GABRB3: variants seen among roughly 807,000 people sequenced by gnomAD.
The protein encoded by GABRB3 is gamma-aminobutyric acid receptor subunit beta-3.
GABRB3 carries 14 observed loss-of-function variants against 52.1 expected under a neutral mutation model. The ratio of observed to expected loss-of-function variants is 0.27; its 90% CI spans 0.18 to 0.42. The LOEUF is 0.42. Ranked by LOEUF, GABRB3 falls within the 10% of genes least tolerant of loss-of-function variation. GABRB3 has a pLI of 1.00. For missense variants in GABRB3, 307 were observed against 609.1 expected (o/e 0.50, Z 5.22); for synonymous variants, 260 against 232.3 (o/e 1.12, Z -1.08).
chr15:26,649,290 C>T (rs1421316956), intron 3 of GABRB3, among the ~76,000 whole-genome samples: 2 of 152,058 alleles, frequency 1.3e-5, no homozygotes, highest in Non-Finnish European at 2.9e-5. Flanking sequence ...ATGAGATGCC[C>T]TTCTGTCTCC....
chr15:26,758,432 G>A (rs1398760379), intron 3 of GABRB3, among the ~76,000 whole-genome samples: 1 of 152,120 alleles, frequency 6.6e-6, no homozygotes, highest in Non-Finnish European at 1.5e-5. Context: ...TCAGAGATGC[G>A]ATAAAAAGAG....
chr15:26,553,821 A>C (rs1889573371), intron 8 of GABRB3, among the ~76,000 whole-genome samples: 1 of 151,744 alleles, frequency 6.6e-6, no homozygotes, highest in Admixed American at 6.6e-5. Context: ...TGAGACCTTA[A>C]ATAATCAACA....
At chr15:26,570,228 G>C (rs1282736914) in intron 6 of GABRB3, among the ~76,000 whole-genome samples, 2 of 152,198 alleles carry the variant, frequency 1.3e-5, no homozygotes, top group African/African-American at 4.8e-5. Context: ...TTTGACATGA[G>C]GTGAAAACAT....
intron 3 of GABRB3, among the ~76,000 whole-genome samples, chr15:26,758,595 G>T (rs1890726030): frequency 6.6e-6 from 1 of 152,038 alleles, no homozygotes; most frequent in Admixed American, 6.6e-5. Flanking sequence ...CCCATTAATT[G>T]ACCTTTTCTT....
At chr15:26,587,007 A>G (rs1024722853) in intron 4 of GABRB3, among the ~76,000 whole-genome samples, 6 of 152,198 alleles carry the variant, frequency 3.9e-5, no homozygotes, top group Non-Finnish European at 8.8e-5. Context: ...GCAGTAGAGT[A>G]TTGTACATTT....
chr15:26,694,840 G>A (rs974850921), intron 3 of GABRB3, among the ~76,000 whole-genome samples: 1 of 152,220 alleles, frequency 6.6e-6, no homozygotes, highest in African/African-American at 2.4e-5. Context: ...GATGGGTTAT[G>A]TAAGCAGAGG....
chr15:26,659,972 C>A (rs1291729037), intron 3 of GABRB3, among the ~76,000 whole-genome samples: 2 of 152,140 alleles, frequency 1.3e-5, no homozygotes. Context: ...TGGTTCACAC[C>A]CGCAATCCCA....
chr15:26,722,305 A>G (rs1889663076), intron 3 of GABRB3, among the ~76,000 whole-genome samples: 1 of 152,182 alleles, frequency 6.6e-6, no homozygotes, highest in African/African-American at 2.4e-5. Context: ...CAAATGACCA[A>G]GATCTCTGGA....
intron 6 of GABRB3, among the ~76,000 whole-genome samples, chr15:26,576,860 G>T (rs965701957): frequency 4.6e-5 from 7 of 152,016 alleles, no homozygotes; most frequent in African/African-American, 1.7e-4. Flanking sequence ...TAAACCAGAC[G>T]GACTTATGCG....
chr15:26,547,927 T>C lies in GABRB3; in HGVS notation c.1288A>G (p.Arg430Gly). The C allele has an allele frequency of 6.2e-7, 1 of 1,614,134 alleles. No homozygotes were observed. The highest frequency in any genetic ancestry group is 1.3e-5 in the African/African-American group (1 of 75,046). Residue 430 changes from arginine to glycine, a missense_variant, in exon 9 of 9, where the codon AGG becomes GGG. This residue lies in a region of GABRB3 where 115 missense variants were observed against 166.9 expected (regional missense o/e 0.69). Coordinates refer to ENST00000311550, the MANE Select transcript of GABRB3 (RefSeq NM_000814.6). ...TTAATTTTGAGCTGTGAAGACCTCC[T>C]CCGTAGATGGGTCTTCTTGTGCGGG... is the stretch of plus-strand genomic sequence containing the variant. ...SLPHKKTHLRRRSSQLKIKIP... is the reference protein window; with the variant it reads ...SLPHKKTHLRGRSSQLKIKIP...
At chr15:26,722,231 A>T (rs1020447560) in intron 3 of GABRB3, among the ~76,000 whole-genome samples, 2 of 152,176 alleles carry the variant, frequency 1.3e-5, no homozygotes, top group Admixed American at 1.3e-4. Flanking sequence ...AGTTATCAGG[A>T]TTCGTTGTAA....
chr15:26,642,316 C>A (rs186551811), intron 3 of GABRB3: 6 of 354,438 alleles, frequency 1.7e-5, no homozygotes, highest in African/African-American at 1.3e-4. Context: ...TTCCACAGGA[C>A]TGACTATGGG....
chr15:26,768,557 A>G (rs1220569173), intron 3 of GABRB3, among the ~76,000 whole-genome samples: 3 of 151,268 alleles, frequency 2.0e-5, no homozygotes, highest in African/African-American at 7.3e-5. Flanking sequence ...TATCTACTCA[A>G]CACATTTATT....
chr15:26,662,620 G>T (rs1353814542), intron 3 of GABRB3, among the ~76,000 whole-genome samples: 3 of 152,142 alleles, frequency 2.0e-5, no homozygotes, highest in African/African-American at 7.2e-5. Context: ...TTAGAAAAAA[G>T]GTGCCCACAA....
At chr15:26,550,808 C>T (rs192548424) in intron 8 of GABRB3, among the ~76,000 whole-genome samples, 4 of 152,160 alleles carry the variant, frequency 2.6e-5, no homozygotes, top group Non-Finnish European at 1.5e-5. Context: ...TGTACCTGCA[C>T]GTGTGGCCTA....
At chr15:26,611,218 A>C (rs1595481138) in intron 4 of GABRB3, among the ~76,000 whole-genome samples, 1 of 152,220 alleles carries the variant, frequency 6.6e-6, no homozygotes, top group East Asian at 1.9e-4. Context: ...GCTTGAGTAA[A>C]TGTAAATAGA....
intron 3 of GABRB3, among the ~76,000 whole-genome samples, chr15:26,744,127 G>A (rs572039148): frequency 4.6e-5 from 7 of 152,266 alleles, no homozygotes; most frequent in South Asian, 2.1e-4. Context: ...TACACGGGGC[G>A]AGGTTTTCTG....
intron 3 of GABRB3, among the ~76,000 whole-genome samples, chr15:26,745,684 G>A (rs1595339966): frequency 1.3e-5 from 2 of 152,078 alleles, no homozygotes; most frequent in African/African-American, 4.8e-5. Context: ...CTCTTTCTCT[G>A]TAATTTTATT....
chr15:26,588,316 C>T (rs924619707), intron 4 of GABRB3, among the ~76,000 whole-genome samples: 2 of 152,120 alleles, frequency 1.3e-5, no homozygotes, highest in Non-Finnish European at 2.9e-5. Context: ...CTTTATGGAA[C>T]ACCAGTTGAG....
Sources: gnomAD v4.1 joint callset for allele counts (sites outside exome capture counted in the v4.1 genomes callset) on GRCh38, gnomAD v4.1.1 for gene constraint, gnomAD v4.1.1 regional missense constraint, MANE v1.5 for transcripts, NCBI Gene and HGNC (gene_info 2026-07-23, HGNC 2026-07-21) for gene names.